Variants in NEK11 observed in about 807,000 individuals in gnomAD.
NEK11 encodes the protein serine/threonine-protein kinase Nek11.
Under a neutral mutation model 80.7 loss-of-function variants are expected in NEK11, and 72 were observed. The ratio of observed to expected loss-of-function variants is 0.89; its 90% confidence interval spans 0.74 to 1.08. The LOEUF is 1.08. Among genes scored for constraint, NEK11 ranks in the 50% least tolerant of loss-of-function variants. NEK11 has a pLI of 0.00. For synonymous variants in NEK11, 251 were observed against 260.7 expected (o/e 0.96, Z 0.36); for missense variants, 764 against 763.6 (o/e 1.00, Z -0.01).
intron 17 of NEK11, among the ~76,000 whole-genome samples, chr3:131,298,529 A>G (rs913695554): frequency 1.1e-4 from 16 of 152,196 alleles, no homozygotes; most frequent in African/African-American, 3.6e-4. Context: ...AAATCAATGT[A>G]CAAAAATCAC....
chr3:131,212,022 G>A (rs552495035), intron 14 of NEK11, among the ~76,000 whole-genome samples: 2 of 152,266 alleles, frequency 1.3e-5, no homozygotes, highest in South Asian at 2.1e-4. Flanking sequence ...GAGGAGATGC[G>A]ATCCTTTGGA....
intron 11 of NEK11, chr3:131,165,204 G>T: frequency 2.2e-6 from 1 of 457,550 alleles, no homozygotes; most frequent in Admixed American, 3.7e-5. Flanking sequence ...TGCATTTTGG[G>T]ATTTGTAAGG....
chr3:131,100,626 C>G (rs1007269991), intron 4 of NEK11, among the ~76,000 whole-genome samples: 5 of 152,114 alleles, frequency 3.3e-5, no homozygotes, highest in African/African-American at 1.2e-4. Context: ...TTTTGCTGTG[C>G]TACTGGATTC....
chr3:131,136,875 G>A (rs1411104523), intron 7 of NEK11, among the ~76,000 whole-genome samples: 1 of 152,184 alleles, frequency 6.6e-6, no homozygotes, highest in African/African-American at 2.4e-5. Flanking sequence ...TTTAAACTAT[G>A]AATATTTAGA....
intron 17 of NEK11, among the ~76,000 whole-genome samples, chr3:131,305,371 G>A (rs1422387088): frequency 1.3e-5 from 2 of 152,028 alleles, no homozygotes; most frequent in African/African-American, 4.8e-5. Context: ...GAAATATCCT[G>A]GTTGGGCATC....
At chr3:131,315,292 C>T (rs1028157671) in intron 17 of NEK11, among the ~76,000 whole-genome samples, 1 of 152,046 alleles carries the variant, frequency 6.6e-6, no homozygotes, top group Non-Finnish European at 1.5e-5. Flanking sequence ...CAACAGCCAC[C>T]ATTCTATTCT....
At chr3:131,132,266 A>G (rs2084633235) in intron 5 of NEK11, among the ~76,000 whole-genome samples, 1 of 152,046 alleles carries the variant, frequency 6.6e-6, no homozygotes, top group African/African-American at 2.4e-5. Flanking sequence ...AATTCCATAA[A>G]ATAAAGGTCT....
chr3:131,220,289 G>T (rs1013544122), intron 14 of NEK11, among the ~76,000 whole-genome samples: 2 of 152,092 alleles, frequency 1.3e-5, no homozygotes, highest in African/African-American at 4.8e-5. Context: ...TGGGGACGTT[G>T]TAGCATATTA....
chr3:131,131,032 C>A (rs547172848), intron 5 of NEK11, among the ~76,000 whole-genome samples: 5 of 152,292 alleles, frequency 3.3e-5, no homozygotes, highest in East Asian at 1.9e-4. Flanking sequence ...GAACTCCTGA[C>A]CCCAGGTGAT....
chr3:131,124,259 C>T (rs2082902225), intron 5 of NEK11, among the ~76,000 whole-genome samples: 1 of 152,096 alleles, frequency 6.6e-6, no homozygotes, highest in South Asian at 2.1e-4. Context: ...ATGGAAGAGA[C>T]AAAAGATATT....
chr3:131,060,939 G>C (rs1351298164), intron 3 of NEK11, among the ~76,000 whole-genome samples: 1 of 152,180 alleles, frequency 6.6e-6, no homozygotes, highest in Non-Finnish European at 1.5e-5. Flanking sequence ...TATTGGCCAT[G>C]TGTATATCTT....
At chr3:131,215,189 C>G (rs4974470) in intron 14 of NEK11, among the ~76,000 whole-genome samples, 1 of 149,480 alleles carries the variant, frequency 6.7e-6, no homozygotes, top group South Asian at 2.1e-4. Flanking sequence ...AACCAAACAC[C>G]GCATGTTCTC....
At chr3:131,169,624 T>C (rs1381417617) in intron 13 of NEK11, among the ~76,000 whole-genome samples, 1 of 152,160 alleles carries the variant, frequency 6.6e-6, no homozygotes, top group Non-Finnish European at 1.5e-5. Flanking sequence ...CTGTGGCATA[T>C]ACAGTTTTGC....
chr3:131,227,821 A>G (rs1444137123), intron 14 of NEK11, among the ~76,000 whole-genome samples: 1 of 152,114 alleles, frequency 6.6e-6, no homozygotes, highest in Non-Finnish European at 1.5e-5. Context: ...GAAGATTGTT[A>G]TAAACACCAA....
intron 2 of NEK11, 129 bp from the exon 3 acceptor site, chr3:131,029,484 T>A (rs956978958): frequency 1.1e-4 from 42 of 368,426 alleles, no homozygotes; most frequent in Admixed American, 4.4e-4. Flanking sequence ...TTTAACATTT[T>A]TTTTCAAGTT....
chr3:131,119,450 A>G (rs977148035), intron 5 of NEK11, among the ~76,000 whole-genome samples: 13 of 152,128 alleles, frequency 8.5e-5, no homozygotes, highest in Non-Finnish European at 1.8e-4. Context: ...TATTCCGTTG[A>G]TTTGGGGTGG....
intron 16 of NEK11, among the ~76,000 whole-genome samples, chr3:131,258,575 CCA>C (rs1159521058): frequency 6.6e-6 from 1 of 152,182 alleles, no homozygotes; most frequent in Non-Finnish European, 1.5e-5. Context: ...TAGCCTGTAT[CCA>C]CATTTAATTA....
intron 16 of NEK11, among the ~76,000 whole-genome samples, chr3:131,268,037 T>C (rs1432270564): frequency 6.6e-6 from 1 of 152,172 alleles, no homozygotes; most frequent in Non-Finnish European, 1.5e-5. Context: ...GTCTCTGATA[T>C]CCTTTCTTCC....
intron 7 of NEK11, among the ~76,000 whole-genome samples, chr3:131,139,837 T>C (rs934636504): frequency 2.6e-5 from 4 of 152,214 alleles, no homozygotes; most frequent in African/African-American, 9.6e-5. Context: ...GGAAGTCAAA[T>C]TGGGATTGAA....
Sources: gnomAD v4.1 joint callset for allele counts (sites outside exome capture counted in the v4.1 genomes callset) on GRCh38, gnomAD v4.1.1 for gene constraint, MANE v1.5 for transcripts, NCBI Gene and HGNC (gene_info 2026-07-23, HGNC 2026-07-21) for gene names.